NEB: variants seen among roughly 807,000 people sequenced by gnomAD.
NEB encodes the protein nemaline myopathy type 2.
In NEB, 512 loss-of-function variants were observed where a neutral mutation model predicts 952.2. The observed-to-expected ratio is 0.54, with a 90% CI of 0.50 to 0.58. The LOEUF is 0.58. Ranked by LOEUF, NEB falls within the 20% of genes least tolerant of loss-of-function variation. NEB has a pLI of 0.00. For missense variants in NEB, 8,428 were observed against 9,231.1 expected (o/e 0.91, Z 3.56); for synonymous variants, 2,900 against 3,149.8 (o/e 0.92, Z 2.66).
chr2:151,656,200 C>T lies in NEB; in HGVS notation c.6448G>A (p.Ala2150Thr), dbSNP rs1575292024. The change falls in exon 49 of 182, where the codon GCA becomes ACA. Residue 2150 changes from alanine (A) to threonine (T), a missense_variant. This residue lies in a region of NEB where 2,851 missense variants were observed against 2,791.5 expected (regional missense o/e 1.02). Coordinates refer to ENST00000397345, the MANE Select transcript of NEB (RefSeq NM_001164508.2). Reference protein sequence around the residue: ...LIHKYILLPDAMNIELTRNMN... With the variant: ...LIHKYILLPDTMNIELTRNMN... ...TTCCTGGTCAGCTCAATGTTCATTGCATCTGGAAGGAGGATGTACTTGTGA... is the reference window on the plus strand; with the variant it reads ...TTCCTGGTCAGCTCAATGTTCATTGTATCTGGAAGGAGGATGTACTTGTGA... The T allele has an allele frequency of 6.2e-7, 1 of 1,609,774 alleles. No individual in the cohort carries two copies. The highest frequency in any genetic ancestry group is 8.5e-7 in the Non-Finnish European group (1 of 1,177,378).
At chr2:151,655,086 AGCATACAGTT>A (rs965797022) in intron 51 of NEB, among the ~76,000 whole-genome samples, 174 bp downstream of exon 51, 1 of 152,186 alleles carries the variant, frequency 6.6e-6, no homozygotes, top group African/African-American at 2.4e-5. Flanking sequence ...TGCTCCACAA[AGCATACAGTT>A]GTGGCTGAAG....
At chr2:151,519,213 C>A in intron 154 of NEB, 144 bp from the exon 155 acceptor site, 1 of 663,102 alleles carries the variant, frequency 1.5e-6, no homozygotes, top group Admixed American at 2.2e-5. Flanking sequence ...AGCCAGAAGG[C>A]AGAAACAACC....
chr2:151,561,379 G>T, intron 121 of NEB, 67 bp from the exon 122 acceptor site: 1 of 1,088,972 alleles, frequency 9.2e-7, no homozygotes, highest in Non-Finnish European at 1.4e-6. Flanking sequence ...GTAGCTGCTT[G>T]TGCCAACTTA....
chr2:151,536,515 G>T (rs2093232466), intron 141 of NEB, among the ~76,000 whole-genome samples: 1 of 152,008 alleles, frequency 6.6e-6, no homozygotes, highest in Non-Finnish European at 1.5e-5. Context: ...GCAGGTGTGG[G>T]GTATGACCCA....
intron 4 of NEB, among the ~76,000 whole-genome samples, chr2:151,729,267 C>T (rs190080213): frequency 3.3e-4 from 50 of 152,260 alleles, no homozygotes; most frequent in African/African-American, 1.1e-3. Context: ...ATCACAAAGC[C>T]AAGGCTCCTT....
At position 151,674,485 on chromosome 2, in the gene NEB, C is replaced by A. The variant is rs763475827; in HGVS notation, c.3979G>T (p.Ala1327Ser). Residue 1327 changes from alanine to serine, a missense_variant, in exon 36 of 182, where the codon GCC (alanine) becomes TCC (serine). Physicochemically the swap from Ala to Ser is moderately conservative, Grantham distance 99 (BLOSUM62 1). Coordinates refer to ENST00000397345, the MANE Select transcript of NEB (RefSeq NM_001164508.2). ...ITAAKASRNI[A>S]SDYKYKEAYE... Reference sequence around the variant, plus strand: ...CTAAAATTTGTACTCACATCACTGGCAATGTTTCTCGATGCCTTGGCTGCA... The same window carrying A: ...CTAAAATTTGTACTCACATCACTGGAAATGTTTCTCGATGCCTTGGCTGCA... 1 of 1,613,564 alleles carries A rather than the reference C, an allele frequency of 6.2e-7. No individual in the cohort carries two copies.
Position 151,619,573 on chromosome 2 carries a change from C to G in NEB, c.10750G>C (p.Ala3584Pro). The G allele has an allele frequency of 6.2e-7, 1 of 1,613,900 alleles. No individual in the cohort carries two copies. The highest frequency in any genetic ancestry group is 8.5e-7 in the Non-Finnish European group (1 of 1,179,842). The change falls in exon 73 of 182, where the codon GCC (alanine) becomes CCC (proline). Residue 3584 changes from alanine (A) to proline (P), a missense_variant. This residue lies in a region of NEB where 1,772 missense variants were observed against 1,960.3 expected (regional missense o/e 0.90). Coordinates refer to ENST00000397345, the MANE Select transcript of NEB (RefSeq NM_001164508.2). ...CTGACCAAGGTCTGACACTTCTTGGCCAAAACGATACCAAGCATGTCCACT... is the reference window on the plus strand; with the variant it reads ...CTGACCAAGGTCTGACACTTCTTGGGCAAAACGATACCAAGCATGTCCACT... ...SPVDMLGIVL[A>P]KKCQTLVSDV...
At chr2:151,651,717 A>T (rs1037166504) in intron 52 of NEB, among the ~76,000 whole-genome samples, 1 of 152,226 alleles carries the variant, frequency 6.6e-6, no homozygotes, top group African/African-American at 2.4e-5. Context: ...GAGTATACTA[A>T]CAGCATTTAC....
intron 17 of NEB, 47 bp downstream of exon 17, chr2:151,696,590 A>G (rs779432943): frequency 7.2e-7 from 1 of 1,389,536 alleles, no homozygotes; most frequent in African/African-American, 1.4e-5. Flanking sequence ...GAGTTATGAA[A>G]TGTTATCCCT....
At chr2:151,727,450 T>C (rs780122440) in intron 5 of NEB, among the ~76,000 whole-genome samples, 1 of 152,232 alleles carries the variant, frequency 6.6e-6, no homozygotes, top group Non-Finnish European at 1.5e-5. Flanking sequence ...TGCTTTATGA[T>C]TGGCCTTATG....
chr2:151,697,669 A>C, intron 13 of NEB, 21 bp from the exon 14 acceptor site: 1 of 1,524,400 alleles, frequency 6.6e-7, no homozygotes. Context: ...AAAAAAATTC[A>C]GTTAAAGTAG....
At position 151,502,734 on chromosome 2, in the gene NEB, G is replaced by GTGTT; in HGVS notation, c.23928+55_23928+58dup. 9 of 888,316 alleles carry GTGTT rather than the reference G, an allele frequency of 1.0e-5. No individual in the cohort carries two copies. The South Asian group carries it at 1.2e-4, about 12-fold the overall frequency. The allele number at this position is 888,316 out of a possible 1,614,324, so 55.0% of individuals were successfully genotyped here. On this transcript the variant is annotated intron_variant, in intron 167 of 181. Coordinates refer to ENST00000397345, the MANE Select transcript of NEB (RefSeq NM_001164508.2). ...AATTTAGTAATTTTACATTTGTAAG[G>GTGTT]TGTTATTATTTTAAATAAAATTAAG...
intron 95 of NEB, among the ~76,000 whole-genome samples, 178 bp from the exon 96 acceptor site, chr2:151,591,633 T>C (rs1490678911): frequency 1.3e-5 from 2 of 152,286 alleles, no homozygotes; most frequent in African/African-American, 4.8e-5. Context: ...TTAATGACAT[T>C]TAGTAAAGCT....
In NEB at chr2:151,617,472, C is replaced by CA. The variant is rs749915004; in HGVS notation, c.11077-5dup. ...CCCAGGCTTCAGTATATAAGCGCTA[C>CA]AAAAAAAAAAAAAAAAGAGAGAGAG... On this transcript the variant is annotated splice_region_variant and splice_polypyrimidine_tract_variant and intron_variant, in intron 74 of 181. Transcript: ENST00000397345. The CA allele has an allele frequency of 0.06, 48,268 of 807,182 alleles. 55 individuals are homozygous for CA. The highest frequency in any genetic ancestry group is 0.089 in the African/African-American group (3,447 of 38,692). The allele number at this position is 807,182 out of a possible 1,614,324, so 50.0% of individuals were successfully genotyped here.
At chr2:151,506,336 A>G (rs1409688927) in intron 163 of NEB, 78 bp from the exon 164 acceptor site, 15 of 1,085,726 alleles carry the variant, frequency 1.4e-5, no homozygotes, top group Admixed American at 2.1e-5. Flanking sequence ...ACTAGGACAC[A>G]TGGCTTTTGT....
In NEB at chr2:151,650,822, C is replaced by T. The variant is rs2099021197; in HGVS notation, c.6979G>A (p.Asp2327Asn). The part of the protein sequence containing the change: ...GHHVGFRSLQ[D>N]DPKLVLSMNV... The stretch of plus-strand genomic sequence containing the variant: ...ATGGACAACACAAGTTTTGGGTCAT[C>T]TTGCAGACTCCGGAATCCAACATGG... Residue 2327 changes from aspartate to asparagine, a missense_variant, in exon 53 of 182, where the codon GAT becomes AAT. Around this residue, in one of 11 missense-constraint regions of NEB, gnomAD observed 1,772 missense variants for 1,960.3 expected, o/e 0.90. Transcript: ENST00000397345. 6.2e-7 allele frequency: 1 copy of T among 1,613,922 alleles called. No individual in the cohort carries two copies. Among genetic ancestry groups the T allele is most frequent in the South Asian group, 1.1e-5 (1 of 91,068 alleles).
At chr2:151,524,284 A>G in intron 153 of NEB, 27 bp downstream of exon 153, 2 of 1,578,604 alleles carry the variant, frequency 1.3e-6, no homozygotes, top group Non-Finnish European at 1.7e-6. Flanking sequence ...CTCACATGAG[A>G]GCCACCAGTG....
intron 29 of NEB, among the ~76,000 whole-genome samples, chr2:151,681,771 G>A (rs1035933494): frequency 3.9e-5 from 6 of 152,102 alleles, no homozygotes; most frequent in African/African-American, 1.4e-4. Context: ...GCTGCCTTAT[G>A]AGCCTCAAGA....
intron 13 of NEB, among the ~76,000 whole-genome samples, chr2:151,701,943 TTTAA>T (rs1479327534): frequency 2.5e-4 from 35 of 141,104 alleles, no homozygotes; most frequent in African/African-American, 9.3e-4. Flanking sequence ...TTCTAGTTCT[TTTAA>T]TTGTGATGTT....
Sources: gnomAD v4.1 joint callset for allele counts (sites outside exome capture counted in the v4.1 genomes callset) on GRCh38, gnomAD v4.1.1 for gene constraint, gnomAD v4.1.1 regional missense constraint, MANE v1.5 for transcripts, NCBI Gene and HGNC (gene_info 2026-07-23, HGNC 2026-07-21) for gene names.